EPHA5: variants seen among roughly 807,000 people sequenced by gnomAD.
The protein encoded by EPHA5 is EPH receptor A5, also known as ephrin type-A receptor 5.
In EPHA5, 60 loss-of-function variants were observed where a neutral mutation model predicts 105.0. That is an observed-to-expected ratio of 0.57 (90% CI 0.46 to 0.71). EPHA5 has a LOEUF of 0.71. Ranked by LOEUF, EPHA5 falls within the 30% of genes least tolerant of loss-of-function variation. EPHA5 has a pLI of 0.00. For missense variants in EPHA5, 1,218 were observed against 1,274.7 expected, an observed-to-expected ratio of 0.96 and a Z score of 0.68; for synonymous variants, 513 against 449.1, an observed-to-expected ratio of 1.14 and a Z score of -1.80.
At chr4:65,395,631 C>A (rs1264792288) in intron 8 of EPHA5, among the ~76,000 whole-genome samples, 1 of 152,092 alleles carries the variant, frequency 6.6e-6, no homozygotes, top group Non-Finnish European at 1.5e-5. Flanking sequence ...TGAGACATTT[C>A]AAATGGATTG....
intron 3 of EPHA5, among the ~76,000 whole-genome samples, chr4:65,518,505 A>T (rs1467988172): frequency 6.6e-6 from 1 of 151,994 alleles, no homozygotes; most frequent in Non-Finnish European, 1.5e-5. Context: ...CAAACTTTGC[A>T]ATCACCAACT....
chr4:65,420,094 C>T (rs1247293579), intron 6 of EPHA5, among the ~76,000 whole-genome samples: 2 of 152,092 alleles, frequency 1.3e-5, no homozygotes, highest in East Asian at 3.9e-4. Flanking sequence ...TGGCCATAAG[C>T]ACACATTTCT....
rs150066631 is a variant in EPHA5 at position 65,656,891 on chromosome 4, T to C, written c.181+12671A>G. Among the ~76,000 whole-genome samples the C allele has an allele frequency of 8.6e-3, 1,297 of 151,204 alleles. 22 individuals carry two copies. The highest frequency in any genetic ancestry group is 0.03 in the African/African-American group (1,243 of 41,408). On this transcript the variant is annotated intron_variant, in intron 1 of 16. Transcript: ENST00000613740. ...TTTTATAGATTAGGAGAATCTAATA[T>C]TAACCCTGTGATATTTTGGATATAT...
intron 5 of EPHA5, among the ~76,000 whole-genome samples, chr4:65,457,846 A>G (rs1727747314): frequency 6.6e-6 from 1 of 151,994 alleles, no homozygotes; most frequent in Admixed American, 6.6e-5. Flanking sequence ...ACTTAGATTT[A>G]TTTTTAAAGA....
At chr4:65,578,061 T>C (rs1259975828) in intron 3 of EPHA5, among the ~76,000 whole-genome samples, 1 of 152,170 alleles carries the variant, frequency 6.6e-6, no homozygotes, top group African/African-American at 2.4e-5. Context: ...ATAAGCTACT[T>C]CTTGGGATAT....
In EPHA5 at chr4:65,418,862, C is replaced by CTTTTTT. The variant is rs575608289; in HGVS notation, c.1527+1573_1527+1578dup. On this transcript the variant is annotated intron_variant, in intron 6 of 16. Coordinates refer to ENST00000613740, the MANE Select transcript of EPHA5 (RefSeq NM_001281766.3). ...AACATTCAATACACTTACCTAAACT[C>CTTTTTT]TTTTTTTTTTTTTTTTTTTTTTTTT... 3.3e-3 allele frequency among the ~76,000 whole-genome samples: 156 copies of CTTTTTT among 47,086 alleles called. 16 individuals carry two copies. The highest frequency in any genetic ancestry group is 5.1e-3 in the African/African-American group (46 of 9,090). The allele number at this position is 47,086 out of a possible 152,430, so 30.9% of individuals were successfully genotyped here. A position where few individuals can be genotyped will look rare whatever the true frequency, so the allele number is the denominator to read the frequency against.
chr4:65,426,484 C>A (rs911287122), intron 5 of EPHA5, among the ~76,000 whole-genome samples: 2 of 151,708 alleles, frequency 1.3e-5, no homozygotes, highest in East Asian at 1.9e-4. Context: ...ATGCTTATTT[C>A]TTTACTTGTG....
At chr4:65,486,265 AC>A (rs1377835608) in intron 5 of EPHA5, among the ~76,000 whole-genome samples, 23 of 144,292 alleles carry the variant, frequency 1.6e-4, no homozygotes, top group East Asian at 8.2e-4. Context: ...CCCCATTTAC[AC>A]CCCCCCACCC....
chr4:65,490,231 C>A, intron 5 of EPHA5, 146 bp downstream of exon 5: 1 of 624,188 alleles, frequency 1.6e-6, no homozygotes, highest in South Asian at 2.8e-5. Flanking sequence ...ACTGCAAAAG[C>A]GTTTTTGATG....
In EPHA5 at chr4:65,506,764, G is replaced by T. The variant is rs554556711; in HGVS notation, c.911-11221C>A. On this transcript the variant is annotated intron_variant, in intron 3 of 16. Coordinates refer to ENST00000613740, the MANE Select transcript of EPHA5 (RefSeq NM_001281766.3). ...TTTGTTTGAGTTCATTGTCGATTCT[G>T]GATATTAGCCCTTTGTCAGATGAGT... Among the ~76,000 whole-genome samples the T allele has an allele frequency of 1.9e-4, 29 of 151,426 alleles. 1 individual carries two copies. Among genetic ancestry groups the T allele is most frequent in the South Asian group, 4.3e-4 (2 of 4,658 alleles).
At chr4:65,395,282 T>A (rs1721105408) in intron 8 of EPHA5, among the ~76,000 whole-genome samples, 1 of 152,200 alleles carries the variant, frequency 6.6e-6, no homozygotes, top group South Asian at 2.1e-4. Context: ...TTTGACTACT[T>A]ATCACGCTAC....
At chr4:65,418,815 A>G (rs554090099) in intron 6 of EPHA5, among the ~76,000 whole-genome samples, 1 of 138,842 alleles carries the variant, frequency 7.2e-6, no homozygotes, top group South Asian at 2.3e-4. Flanking sequence ...TTATTTTTGA[A>G]TTTTGTATAC....
chr4:65,576,742 C>T (rs536205600), intron 3 of EPHA5, among the ~76,000 whole-genome samples: 1 of 152,196 alleles, frequency 6.6e-6, no homozygotes, highest in East Asian at 1.9e-4. Context: ...ATTTTCCTTA[C>T]TTCCTGCTAT....
At chr4:65,346,159 C>A (rs1577873024) in intron 14 of EPHA5, among the ~76,000 whole-genome samples, 1 of 151,216 alleles carries the variant, frequency 6.6e-6, no homozygotes, top group African/African-American at 2.4e-5. Context: ...TGGCCATCTG[C>A]ATTCCATCCA....
At chr4:65,499,416 T>C (rs1732263812) in intron 3 of EPHA5, among the ~76,000 whole-genome samples, 1 of 151,576 alleles carries the variant, frequency 6.6e-6, no homozygotes, top group Admixed American at 6.6e-5. Flanking sequence ...GATTCCAATT[T>C]TCCCAGTTTT....
chr4:65,403,400 CT>C (rs75643626), intron 8 of EPHA5, among the ~76,000 whole-genome samples: 1 of 150,976 alleles, frequency 6.6e-6, no homozygotes, highest in African/African-American at 2.4e-5. Context: ...TACATTTTCA[CT>C]TTTTTTTGCT....
chr4:65,659,817 T>C (rs1241727641), intron 1 of EPHA5, among the ~76,000 whole-genome samples: 2 of 152,112 alleles, frequency 1.3e-5, no homozygotes, highest in African/African-American at 4.8e-5. Flanking sequence ...AAGCTAAGCC[T>C]TATAAAATTA....
rs1729737712 is a variant in EPHA5, at chr4:65,475,776, T to C, written c.1402+14601A>G. 2.6e-5 allele frequency among the ~76,000 whole-genome samples: 4 copies of C among 152,174 alleles called. No individual in the cohort carries two copies. The South Asian group carries it at 8.3e-4, about 32-fold the overall frequency. Reference sequence around the variant, plus strand: ...CAGTTAATAGATTGTTGACCACGTTTACATTGAATAGCAAATCTGTTTGCA... The same window carrying C: ...CAGTTAATAGATTGTTGACCACGTTCACATTGAATAGCAAATCTGTTTGCA... On this transcript the variant is annotated intron_variant, in intron 5 of 16. Coordinates refer to ENST00000613740, the MANE Select transcript of EPHA5 (RefSeq NM_001281766.3).
At chr4:65,612,421 C>G (rs1454237655) in intron 2 of EPHA5, among the ~76,000 whole-genome samples, 1 of 152,168 alleles carries the variant, frequency 6.6e-6, no homozygotes, top group African/African-American at 2.4e-5. Flanking sequence ...GTGGGAACAT[C>G]TGGAATTTGA....
Sources: gnomAD v4.1 joint callset for allele counts (sites outside exome capture counted in the v4.1 genomes callset) on GRCh38, gnomAD v4.1.1 for gene constraint, MANE v1.5 for transcripts, NCBI Gene and HGNC (gene_info 2026-07-23, HGNC 2026-07-21) for gene names.